The following TENM4 variants were observed in gnomAD, a reference collection of about 807,000 sequenced individuals.
The protein encoded by TENM4 is teneurin transmembrane protein 4, also known as teneurin-4.
Under a neutral mutation model 243.3 loss-of-function variants are expected in TENM4, and 82 were observed. The observed-to-expected ratio is 0.34, with a 90% confidence interval of 0.28 to 0.40. TENM4 has a LOEUF of 0.40. Among genes scored for constraint, TENM4 ranks in the 10% least tolerant of loss-of-function variants. TENM4 has a pLI of 1.00. For missense variants in TENM4, 3,138 were observed against 3,673.3 expected (o/e 0.85, Z 3.77); for synonymous variants, 1,412 against 1,456.3 (o/e 0.97, Z 0.69).
chr11:78,809,931 T>C (rs140703620), intron 14 of TENM4, among the ~76,000 whole-genome samples: 1 of 152,168 alleles, frequency 6.6e-6, no homozygotes, highest in Non-Finnish European at 1.5e-5. Context: ...AAACACAGGG[T>C]CTCACTTTTC....
intron 12 of TENM4, among the ~76,000 whole-genome samples, chr11:78,847,534 C>T (rs937064588): frequency 3.3e-5 from 5 of 152,222 alleles, no homozygotes; most frequent in African/African-American, 9.6e-5. Context: ...AATGTGCTGA[C>T]CTGAGCTCCC....
At chr11:78,722,601 T>C in intron 24 of TENM4, 67 bp downstream of exon 24, 5 of 1,559,064 alleles carry the variant, frequency 3.2e-6, no homozygotes, top group Non-Finnish European at 3.5e-6. Flanking sequence ...GCAGGTAATG[T>C]GGCGGGGCCC....
intron 4 of TENM4, chr11:79,096,400 T>C (rs1426953395): frequency 6.6e-6 from 1 of 152,332 alleles, no homozygotes; most frequent in Non-Finnish European, 1.5e-5. Context: ...GGAAAACTGC[T>C]GGTGCCTTTG....
rs187010260 is a variant in TENM4, at chr11:79,250,287, G to A, written c.-264-34378C>T. Among the ~76,000 whole-genome samples, 1,087 of 152,260 alleles carry A rather than the reference G, an allele frequency of 7.1e-3. 27 individuals are homozygous for A. Among genetic ancestry groups the A allele is most frequent in the Non-Finnish European group, 5.4e-3 (369 of 68,010 alleles). Reference sequence around the variant, plus strand: ...CAGGCGTGAGCCACCACGCCTGGCCGGCACTAATTTTCTTTTAACAGAGTG... The same window carrying A: ...CAGGCGTGAGCCACCACGCCTGGCCAGCACTAATTTTCTTTTAACAGAGTG... On this transcript the variant is annotated intron_variant, in intron 2 of 33. Transcript: ENST00000278550.
At chr11:79,135,426 A>G (rs1203638025) in intron 4 of TENM4, among the ~76,000 whole-genome samples, 1 of 152,086 alleles carries the variant, frequency 6.6e-6, no homozygotes, top group Non-Finnish European at 1.5e-5. Flanking sequence ...TACAGCCACT[A>G]TGGAAAACAG....
At position 78,777,546 on chromosome 11, in the gene TENM4, AC is replaced by A. The variant is rs371525817; in HGVS notation, c.2392+1055del. Among the ~76,000 whole-genome samples the A allele has an allele frequency of 4.6e-3, 700 of 152,342 alleles. 3 individuals carry two copies. The highest frequency in any genetic ancestry group is 0.016 in the African/African-American group (645 of 41,580). Reference sequence around the variant, plus strand: ...ATGATGATAAAGCAGTATAATTCATACTTATTGAGCATAATTCCTGCCTATA... The same window carrying A: ...ATGATGATAAAGCAGTATAATTCATATTATTGAGCATAATTCCTGCCTATA... On this transcript the variant is annotated intron_variant, in intron 17 of 33. Transcript: ENST00000278550.
At position 78,705,792 on chromosome 11, in the gene TENM4, T is replaced by C. The variant is rs547852521; in HGVS notation, c.4209+2569A>G. Among the ~76,000 whole-genome samples the C allele has an allele frequency of 2.0e-5, 3 of 152,306 alleles. No homozygotes were observed. The South Asian group carries it at 6.2e-4, about 32-fold the overall frequency. ...CTCACTTCCTATTCCAGTTCCACAATTGCTACATGTGTCACCTACCTCAAG... is the reference window on the plus strand; with the variant it reads ...CTCACTTCCTATTCCAGTTCCACAACTGCTACATGTGTCACCTACCTCAAG... On this transcript the variant is annotated intron_variant, in intron 27 of 33. Transcript: ENST00000278550.
chr11:79,135,616 A>C (rs1024094054), intron 4 of TENM4, among the ~76,000 whole-genome samples: 1 of 151,566 alleles, frequency 6.6e-6, no homozygotes, highest in Admixed American at 6.6e-5. Flanking sequence ...CCCATCAATC[A>C]ACCAGTGGAT....
chr11:79,317,962 C>T (rs982459510), intron 1 of TENM4, among the ~76,000 whole-genome samples: 2 of 152,028 alleles, frequency 1.3e-5, no homozygotes, highest in Non-Finnish European at 2.9e-5. Context: ...TCCATGGTGG[C>T]CCAAAATGAC....
At chr11:79,270,234 A>G (rs1317870181) in intron 2 of TENM4, among the ~76,000 whole-genome samples, 3 of 152,108 alleles carry the variant, frequency 2.0e-5, no homozygotes, top group East Asian at 3.9e-4. Context: ...GTTGTTAACA[A>G]TGAGGGTGTA....
rs189708116 is a variant in TENM4, at chr11:78,962,470, A to C, written c.494-58947T>G. On this transcript the variant is annotated intron_variant, in intron 6 of 33. Transcript: ENST00000278550. ...CATCAACGGGAAGGGGGGGCTCCCA[A>C]CACGGGGCGATCTACTGCACACGTG... Among the ~76,000 whole-genome samples the C allele has an allele frequency of 1.8e-3, 256 of 142,278 alleles. 3 individuals carry two copies. Among genetic ancestry groups the C allele is most frequent in the African/African-American group, 6.1e-3 (241 of 39,464 alleles). The allele number at this position is 142,278 out of a possible 152,430, so 93.3% of individuals were successfully genotyped here.
In TENM4 at chr11:79,239,650, C is replaced by T. The variant is rs137944696; in HGVS notation, c.-264-23741G>A. Among the ~76,000 whole-genome samples the T allele has an allele frequency of 4.6e-5, 7 of 152,298 alleles. No homozygotes were observed. The East Asian group carries it at 7.7e-4, about 17-fold the overall frequency. On this transcript the variant is annotated intron_variant, in intron 2 of 33. Coordinates refer to ENST00000278550, the MANE Select transcript of TENM4 (RefSeq NM_001098816.3). Reference sequence around the variant, plus strand: ...CATGTGTCCCTGTGCTCAAGAAGAACAAAAGAAACTAACAGTCGTTTGCTA... The same window carrying T: ...CATGTGTCCCTGTGCTCAAGAAGAATAAAAGAAACTAACAGTCGTTTGCTA...
chr11:79,394,875 C>A (rs957598021), intron 1 of TENM4, among the ~76,000 whole-genome samples: 5 of 152,096 alleles, frequency 3.3e-5, no homozygotes, highest in African/African-American at 9.7e-5. Context: ...GAGGCAGAGA[C>A]TGGACTTATC....
chr11:79,411,942 GAAATTCT>G (rs1333136701), intron 1 of TENM4, among the ~76,000 whole-genome samples: 4 of 152,224 alleles, frequency 2.6e-5, no homozygotes, highest in African/African-American at 9.6e-5. Flanking sequence ...TCTTCAAGAG[GAAATTCT>G]ATGGTAGTGG....
chr11:79,400,675 G>A (rs898475002), intron 1 of TENM4, among the ~76,000 whole-genome samples: 5 of 152,200 alleles, frequency 3.3e-5, no homozygotes, highest in African/African-American at 9.7e-5. Context: ...TAGTGCCTGT[G>A]TCACAGAGCT....
chr11:78,755,612 G>T (rs1462001505), intron 19 of TENM4, among the ~76,000 whole-genome samples: 2 of 152,098 alleles, frequency 1.3e-5, no homozygotes, highest in African/African-American at 4.8e-5. Flanking sequence ...GGCCTACTGT[G>T]GTGTGTCCCT....
intron 1 of TENM4, among the ~76,000 whole-genome samples, chr11:79,385,847 C>A (rs1242701170): frequency 1.3e-5 from 2 of 152,106 alleles, no homozygotes; most frequent in Non-Finnish European, 2.9e-5. Context: ...GATCCCTGTG[C>A]CCCTCCTCCC....
intron 2 of TENM4, among the ~76,000 whole-genome samples, chr11:79,243,415 T>C (rs1382426027): frequency 6.6e-6 from 1 of 152,168 alleles, no homozygotes; most frequent in Non-Finnish European, 1.5e-5. Context: ...ATAAAGTCAC[T>C]GGATGTGCCC....
In TENM4 at chr11:78,688,235, C is replaced by G. The variant is rs1353896458; in HGVS notation, c.5088-9G>C. 3 of 1,611,766 alleles carry G rather than the reference C, an allele frequency of 1.9e-6. No individual in the cohort carries two copies. Among genetic ancestry groups the G allele is most frequent in the Admixed American group, 1.7e-5 (1 of 59,912 alleles). On this transcript the variant is annotated splice_polypyrimidine_tract_variant and intron_variant, in intron 28 of 33. Coordinates refer to ENST00000278550, the MANE Select transcript of TENM4 (RefSeq NM_001098816.3). ...GGCCAAAGCTGTCGTACCTGGAAACCAAGGGGTGGCACTGAGTAGTAGAAA... is the reference window on the plus strand; with the variant it reads ...GGCCAAAGCTGTCGTACCTGGAAACGAAGGGGTGGCACTGAGTAGTAGAAA...
Sources: gnomAD v4.1 joint callset for allele counts (sites outside exome capture counted in the v4.1 genomes callset) on GRCh38, gnomAD v4.1.1 for gene constraint, MANE v1.5 for transcripts, NCBI Gene and HGNC (gene_info 2026-07-23, HGNC 2026-07-21) for gene names.